Variants in KCNN2 observed in about 807,000 individuals in gnomAD.
The protein encoded by KCNN2 is small conductance calcium-activated potassium channel protein 2.
A neutral mutation model predicts 55.5 loss-of-function variants in KCNN2; 24 were observed. That is an observed-to-expected ratio of 0.43 (90% CI 0.31 to 0.61). The LOEUF (loss-of-function observed/expected upper bound fraction) is 0.61, where lower values mean the gene tolerates loss of function less well. Among genes scored for constraint, KCNN2 ranks in the 20% least tolerant of loss-of-function variants. The pLI, the probability that KCNN2 is intolerant of heterozygous loss-of-function variation, is 0.08. For synonymous variants in KCNN2, 431 were observed against 336.1 expected, an observed-to-expected ratio of 1.28 and a Z score of -3.09; for missense variants, 754 against 853.6, an observed-to-expected ratio of 0.88 and a Z score of 1.45.
At chr5:114,373,050 T>C (rs1240093579) in intron 2 of KCNN2, among the ~76,000 whole-genome samples, 4 of 152,176 alleles carry the variant, frequency 2.6e-5, no homozygotes, top group Non-Finnish European at 5.9e-5. Context: ...ACTGATAGCT[T>C]GTAAAATTAT....
intron 1 of KCNN2, among the ~76,000 whole-genome samples, chr5:114,111,874 T>C (rs1367829813): frequency 6.6e-6 from 1 of 152,158 alleles, no homozygotes; most frequent in Non-Finnish European, 1.5e-5. Flanking sequence ...TTTTACACTG[T>C]TGGTGGGAGT....
intron 1 of KCNN2, among the ~76,000 whole-genome samples, chr5:114,190,093 A>G (rs1163964910): frequency 6.6e-6 from 1 of 152,162 alleles, no homozygotes; most frequent in African/African-American, 2.4e-5. Flanking sequence ...AATATAAAAT[A>G]TTTGTAGCTA....
At chr5:114,116,155 G>A (rs1213921445) in intron 1 of KCNN2, among the ~76,000 whole-genome samples, 2 of 152,016 alleles carry the variant, frequency 1.3e-5, no homozygotes, top group African/African-American at 4.8e-5. Flanking sequence ...GAGCCAAGTA[G>A]AAAGTGAGAC....
chr5:114,160,091 A>T (rs999742345), intron 1 of KCNN2, among the ~76,000 whole-genome samples: 2 of 151,746 alleles, frequency 1.3e-5, no homozygotes, highest in Admixed American at 6.6e-5. Flanking sequence ...TTTAATTGTG[A>T]TGTTAGGGTG....
intron 3 of KCNN2, among the ~76,000 whole-genome samples, chr5:114,451,984 T>C (rs11949478): frequency 0.046 from 7,046 of 152,128 alleles, 525 homozygotes; most frequent in African/African-American, 0.16. Context: ...CTGTTGCCAC[T>C]GCTGCTTCTC....
intron 3 of KCNN2, among the ~76,000 whole-genome samples, chr5:114,407,253 G>A (rs1233478709): frequency 6.6e-6 from 1 of 151,860 alleles, no homozygotes; most frequent in East Asian, 1.9e-4. Flanking sequence ...TGTAGATAAT[G>A]GCCCTCCTAT....
chr5:114,373,210 A>G (rs1390150628), intron 2 of KCNN2, among the ~76,000 whole-genome samples: 1 of 151,922 alleles, frequency 6.6e-6, no homozygotes, highest in African/African-American at 2.4e-5. Context: ...AAATCTGGCA[A>G]TTTGCTTCCC....
chr5:114,182,953 G>A (rs931957953), intron 1 of KCNN2, among the ~76,000 whole-genome samples: 9 of 152,074 alleles, frequency 5.9e-5, no homozygotes, highest in Admixed American at 5.2e-4. Context: ...CAACATAGGG[G>A]AAAGCATTAA....
chr5:114,471,418 A>G (rs1761738612), intron 4 of KCNN2, among the ~76,000 whole-genome samples: 1 of 152,072 alleles, frequency 6.6e-6, no homozygotes, highest in Non-Finnish European at 1.5e-5. Flanking sequence ...ACGGTCTATA[A>G]TGTTCAGTAC....
chr5:114,378,914 TAA>T (rs2150055338), intron 2 of KCNN2, among the ~76,000 whole-genome samples: 1 of 152,330 alleles, frequency 6.6e-6, no homozygotes, highest in Admixed American at 6.5e-5. Flanking sequence ...TGGGAAGCAG[TAA>T]AGAGTGTTTG....
chr5:114,196,026 C>T (rs765301883), intron 1 of KCNN2, among the ~76,000 whole-genome samples: 3 of 152,002 alleles, frequency 2.0e-5, no homozygotes, highest in Non-Finnish European at 4.4e-5. Flanking sequence ...GGAGTTCTCT[C>T]AGTACCATTT....
intron 1 of KCNN2, among the ~76,000 whole-genome samples, chr5:114,172,620 CA>C (rs917020504): frequency 6.8e-6 from 1 of 147,908 alleles, no homozygotes; most frequent in Non-Finnish European, 1.5e-5. Context: ...GTTTATATAA[CA>C]TATATATCCC....
chr5:114,166,197 T>C (rs1171860220), intron 1 of KCNN2, among the ~76,000 whole-genome samples: 1 of 152,118 alleles, frequency 6.6e-6, no homozygotes, highest in African/African-American at 2.4e-5. Flanking sequence ...CACAACAGTC[T>C]TGCTAATACT....
At chr5:114,479,893 G>A (rs1762146982) in intron 5 of KCNN2, among the ~76,000 whole-genome samples, 1 of 152,102 alleles carries the variant, frequency 6.6e-6, no homozygotes, top group Admixed American at 6.6e-5. Flanking sequence ...TGTTAAGAAG[G>A]AAATTTATAG....
intron 3 of KCNN2, among the ~76,000 whole-genome samples, chr5:114,459,240 C>G (rs1331361251): frequency 6.6e-6 from 1 of 152,194 alleles, no homozygotes; most frequent in Non-Finnish European, 1.5e-5. Context: ...ATTTTAAAAG[C>G]TTGAGATTAT....
chr5:114,349,084 G>T (rs1029768366), intron 2 of KCNN2, among the ~76,000 whole-genome samples: 4 of 151,940 alleles, frequency 2.6e-5, no homozygotes, highest in African/African-American at 9.7e-5. Flanking sequence ...CTTCCCCCCA[G>T]CCCAAGACAA....
chr5:114,402,454 T>C (rs913185298), intron 2 of KCNN2, among the ~76,000 whole-genome samples: 14 of 152,192 alleles, frequency 9.2e-5, no homozygotes, highest in Non-Finnish European at 1.5e-4. Context: ...AGTTTGACTT[T>C]GTAGACTCTA....
chr5:114,432,541 C>G lies in KCNN2; in HGVS notation c.1637+27685C>G, dbSNP rs552613613. Among the ~76,000 whole-genome samples, 4 of 152,306 alleles carry G rather than the reference C, an allele frequency of 2.6e-5. No individual in the cohort carries two copies. In the South Asian group the frequency reaches 6.2e-4, roughly 24 times the overall value. On this transcript the variant is annotated intron_variant, in intron 3 of 7. Transcript: ENST00000673685. Reference sequence around the variant, plus strand: ...GCTGGCAGTCCTCACAGCCCTCGCTCGCTCTCGGCGCCTCCTCTGCCTGGG... The same window carrying G: ...GCTGGCAGTCCTCACAGCCCTCGCTGGCTCTCGGCGCCTCCTCTGCCTGGG...
intron 1 of KCNN2, among the ~76,000 whole-genome samples, chr5:114,079,483 A>C (rs1261862975): frequency 1.3e-5 from 2 of 152,192 alleles, no homozygotes; most frequent in South Asian, 2.1e-4. Flanking sequence ...CCTAGGCTCA[A>C]ATGCTAGCTC....
Sources: allele counts gnomAD v4.1 joint callset (sites outside exome capture counted in the v4.1 genomes callset), GRCh38; gene constraint gnomAD v4.1.1; transcripts MANE v1.5; gene names NCBI Gene and HGNC (gene_info 2026-07-23, HGNC 2026-07-21).